SLC9A9: variants seen among roughly 807,000 people sequenced by gnomAD.
SLC9A9 encodes sodium/hydrogen exchanger 9.
A neutral mutation model predicts 77.8 loss-of-function variants in SLC9A9; 62 were observed. The ratio of observed to expected loss-of-function variants is 0.80; its 90% confidence interval spans 0.65 to 0.98. The LOEUF is 0.98. Ranked by LOEUF, SLC9A9 falls within the 50% of genes least tolerant of loss-of-function variation. The pLI, the probability that SLC9A9 is intolerant of heterozygous loss-of-function variation, is 0.00. For synonymous variants in SLC9A9, 320 were observed against 283.5 expected (o/e 1.13, Z -1.29); for missense variants, 775 against 774.9 (o/e 1.00, Z 0.00).
At chr3:143,314,980 A>G (rs1277294203) in intron 14 of SLC9A9, among the ~76,000 whole-genome samples, 1 of 152,260 alleles carries the variant, frequency 6.6e-6, no homozygotes, top group East Asian at 1.9e-4. Context: ...ACACCTGGGA[A>G]GTTAAAACAT....
chr3:143,805,921 A>T (rs2008699930), intron 2 of SLC9A9, among the ~76,000 whole-genome samples: 1 of 152,204 alleles, frequency 6.6e-6, no homozygotes. Flanking sequence ...CAGAGACTCG[A>T]GTGAAAGAAA....
At chr3:143,365,764 GACTGTTGC>G (rs1251815367) in intron 13 of SLC9A9, among the ~76,000 whole-genome samples, 1 of 152,160 alleles carries the variant, frequency 6.6e-6, no homozygotes, top group Non-Finnish European at 1.5e-5. Flanking sequence ...TTTGCAAAAT[GACTGTTGC>G]ACACAGTGTT....
At chr3:143,776,375 G>A (rs2007692910) in intron 4 of SLC9A9, among the ~76,000 whole-genome samples, 1 of 152,122 alleles carries the variant, frequency 6.6e-6, no homozygotes, top group Non-Finnish European at 1.5e-5. Context: ...CCCCAGTACT[G>A]TGATGTTCTT....
At chr3:143,550,766 G>A (rs1322929101) in intron 9 of SLC9A9, among the ~76,000 whole-genome samples, 1 of 152,170 alleles carries the variant, frequency 6.6e-6, no homozygotes, top group Non-Finnish European at 1.5e-5. Flanking sequence ...GGGTTGTGTG[G>A]TTGTTACACA....
At chr3:143,592,277 A>G (rs1487975693) in intron 6 of SLC9A9, among the ~76,000 whole-genome samples, 1 of 152,248 alleles carries the variant, frequency 6.6e-6, no homozygotes, top group Non-Finnish European at 1.5e-5. Context: ...CTGTAATCCC[A>G]GCACTTTGCA....
At chr3:143,687,120 A>T (rs551620951) in intron 5 of SLC9A9, among the ~76,000 whole-genome samples, 3 of 152,202 alleles carry the variant, frequency 2.0e-5, no homozygotes, top group Admixed American at 2.0e-4. Context: ...ATTATAGTCA[A>T]ATAATCCCAA....
intron 6 of SLC9A9, among the ~76,000 whole-genome samples, chr3:143,625,874 A>G (rs970276937): frequency 3.9e-5 from 6 of 152,246 alleles, no homozygotes; most frequent in African/African-American, 1.4e-4. Flanking sequence ...CATCTGACAA[A>G]GGGCTAATAT....
At position 143,785,429 on chromosome 3, in the gene SLC9A9, C is replaced by G. The variant is rs115081648; in HGVS notation, c.533+9572G>C. 3.1e-3 allele frequency among the ~76,000 whole-genome samples: 469 copies of G among 152,322 alleles called. 3 individuals are homozygous for G. Among genetic ancestry groups the G allele is most frequent in the African/African-American group, 0.011 (451 of 41,580 alleles). ...TCAGCCAACAGTCAGAACCAATCAC[C>G]AGACAGGTGAGTGGGCCCATCTTAG... is the stretch of plus-strand genomic sequence containing the variant. On this transcript the variant is annotated intron_variant, in intron 4 of 15. Coordinates refer to ENST00000316549, the MANE Select transcript of SLC9A9 (RefSeq NM_173653.4).
chr3:143,385,454 T>C (rs746475003), intron 12 of SLC9A9, among the ~76,000 whole-genome samples: 17 of 152,200 alleles, frequency 1.1e-4, no homozygotes, highest in South Asian at 2.1e-4. Context: ...TAGACATGCA[T>C]GGCACCTTCA....
chr3:143,316,083 C>T (rs944964859), intron 14 of SLC9A9, among the ~76,000 whole-genome samples: 3 of 152,162 alleles, frequency 2.0e-5, no homozygotes, highest in Non-Finnish European at 2.9e-5. Flanking sequence ...CCAGAATTGA[C>T]GGACATTAGG....
chr3:143,665,474 A>T (rs549765853), intron 5 of SLC9A9, among the ~76,000 whole-genome samples: 1 of 151,900 alleles, frequency 6.6e-6, no homozygotes, highest in South Asian at 2.1e-4. Flanking sequence ...AAGGCAATAA[A>T]TAAAATCAGA....
chr3:143,636,111 C>T (rs979087182), intron 6 of SLC9A9, among the ~76,000 whole-genome samples: 1 of 152,112 alleles, frequency 6.6e-6, no homozygotes, highest in East Asian at 1.9e-4. Flanking sequence ...GGAGAATTGG[C>T]TTTTGAATCT....
At chr3:143,788,582 T>C (rs536250003) in intron 4 of SLC9A9, among the ~76,000 whole-genome samples, 287 of 150,390 alleles carry the variant, frequency 1.9e-3, no homozygotes, top group African/African-American at 6.6e-3. Context: ...TCCCAGCTAC[T>C]TGGGAAGCTG....
chr3:143,353,654 C>T (rs911593388), intron 14 of SLC9A9, among the ~76,000 whole-genome samples: 6 of 152,096 alleles, frequency 3.9e-5, no homozygotes, highest in African/African-American at 9.7e-5. Flanking sequence ...TGATAGCTCT[C>T]AGCATTGGTG....
intron 4 of SLC9A9, among the ~76,000 whole-genome samples, chr3:143,734,478 G>A (rs973896659): frequency 1.3e-5 from 2 of 152,162 alleles, no homozygotes; most frequent in African/African-American, 2.4e-5. Flanking sequence ...GCTCATGCCT[G>A]TAATCCCAGC....
intron 6 of SLC9A9, chr3:143,627,536 C>T (rs188531255): frequency 2.4e-5 from 7 of 295,962 alleles, no homozygotes; most frequent in South Asian, 8.5e-5. Flanking sequence ...GGCGGTGACT[C>T]GCAGCAGAAG....
intron 4 of SLC9A9, among the ~76,000 whole-genome samples, chr3:143,756,649 T>C (rs570465659): frequency 6.6e-6 from 1 of 152,334 alleles, no homozygotes; most frequent in South Asian, 2.1e-4. Context: ...TAATCTATTT[T>C]TATAGGAATA....
At chr3:143,716,349 C>T (rs1217378995) in intron 4 of SLC9A9, among the ~76,000 whole-genome samples, 1 of 152,000 alleles carries the variant, frequency 6.6e-6, no homozygotes, top group Non-Finnish European at 1.5e-5. Flanking sequence ...GTTGGGATTA[C>T]AAGCATAAGC....
intron 1 of SLC9A9, among the ~76,000 whole-genome samples, chr3:143,835,363 T>C (rs1245424928): frequency 6.6e-6 from 1 of 152,206 alleles, no homozygotes; most frequent in African/African-American, 2.4e-5. Context: ...TAAGAGCCAG[T>C]GTGAAAAATC....
Sources: allele counts gnomAD v4.1 joint callset (sites outside exome capture counted in the v4.1 genomes callset), GRCh38; gene constraint gnomAD v4.1.1; transcripts MANE v1.5; gene names NCBI Gene and HGNC (gene_info 2026-07-23, HGNC 2026-07-21).